The following BRAT1 variants were observed in gnomAD, a reference collection of about 807,000 sequenced individuals.
The protein encoded by BRAT1 is BRCA1 associated ATM activator 1.
In BRAT1, 74 loss-of-function variants were observed where a neutral mutation model predicts 70.6. The observed-to-expected ratio is 1.05, with a 90% CI of 0.87 to 1.27. The LOEUF is 1.27. Among genes scored for constraint, BRAT1 ranks in the 50% most tolerant of loss-of-function variants. BRAT1 has a pLI of 0.00. For missense variants in BRAT1, 1,203 were observed against 1,098.2 expected, an observed-to-expected ratio of 1.10 and a Z score of -1.35; for synonymous variants, 615 against 517.1, an observed-to-expected ratio of 1.19 and a Z score of -2.57.
At position 2,538,302 on chromosome 7, in the gene BRAT1, T is replaced by C. The variant is rs752058292; in HGVS notation, c.2233A>G (p.Thr745Ala). 1.2e-5 allele frequency: 20 copies of C among 1,612,672 alleles called. No individual in the cohort carries two copies. The highest frequency in any genetic ancestry group is 1.6e-5 in the Non-Finnish European group (19 of 1,179,838). ...SLREARGSPN[T>A]ASAEATLPRW... ...GGCAGGGTGGCCTCTGCGGAGGCAG[T>C]GTTGGGGCTGCCCCTGGCCTCCCGC... Residue 745 changes from threonine (T) to alanine (A), a missense_variant, in exon 14 of 14, where the codon ACT becomes GCT. Transcript: ENST00000340611.
At chr7:2,547,822 G>A (rs567171124) in intron 2 of BRAT1, among the ~76,000 whole-genome samples, 1 of 152,128 alleles carries the variant, frequency 6.6e-6, no homozygotes, top group Non-Finnish European at 1.5e-5. Context: ...GGTGGCTCAC[G>A]CCTGTAATCC....
At chr7:2,552,100 ATATATATTTTT>A (rs1428322454) in intron 2 of BRAT1, among the ~76,000 whole-genome samples, 14 of 15,120 alleles carry the variant, frequency 9.3e-4, no homozygotes, top group East Asian at 7.5e-3. Flanking sequence ...ATATATATAT[ATATATATTTTT>A]TTTTTTTTTT....
chr7:2,542,119 C>T lies in BRAT1; in HGVS notation c.1015+1G>A, dbSNP rs1779219365. 1.3e-6 allele frequency: 2 copies of T among 1,542,374 alleles called. No homozygotes were observed. Among genetic ancestry groups the T allele is most frequent in the Non-Finnish European group, 1.7e-6 (2 of 1,144,524 alleles). On this transcript the variant is annotated splice_donor_variant, in intron 7 of 13. Coordinates refer to ENST00000340611, the MANE Select transcript of BRAT1 (RefSeq NM_152743.4). LOFTEE classifies it high-confidence loss of function. ...CTCCCAGCCCTTTCTAAGCAGCACA[C>T]CTGGGGGTCCGGGGGCCTGAACCGT... is the stretch of plus-strand genomic sequence containing the variant.
chr7:2,554,252 G>A, intron 2 of BRAT1, 53 bp downstream of exon 2: 2 of 1,600,190 alleles, frequency 1.2e-6, no homozygotes, highest in Middle Eastern at 1.7e-4. Context: ...CCCTGTCCCA[G>A]CCTCTGCGTC....
In BRAT1 at chr7:2,541,960, G is replaced by A. The variant is rs34947605; in HGVS notation, c.1016-124C>T. Reference sequence around the variant, plus strand: ...CTAGGTGCAGAGCAGCAGCTCACCAGGGGAGATGGCCATGTCCCCGGTCCC... The same window carrying A: ...CTAGGTGCAGAGCAGCAGCTCACCAAGGGAGATGGCCATGTCCCCGGTCCC... On this transcript the variant is annotated intron_variant, in intron 7 of 13. Transcript: ENST00000340611. 185,586 of 1,233,650 alleles carry A rather than the reference G, an allele frequency of 0.15. 15,685 individuals are homozygous for A. The highest frequency in any genetic ancestry group is 0.18 in the Admixed American group (8,390 of 46,118). The allele number at this position is 1,233,650 out of a possible 1,614,324, so 76.4% of individuals were successfully genotyped here. A position where few individuals can be genotyped will look rare whatever the true frequency, so the allele number is the denominator to read the frequency against.
In BRAT1 at chr7:2,541,003, G is replaced by A. The variant is rs368441113; in HGVS notation, c.1371C>T (p.Leu457=). Residue 457 remains leucine, a synonymous_variant, in exon 10 of 14, where the codon CTC becomes CTT. Coordinates refer to ENST00000340611, the MANE Select transcript of BRAT1 (RefSeq NM_152743.4). ...CCGTGGGGCTGGAGCCGGGGCTCTC[G>A]AGGCACTCCAGGAGGACAGCAAGCG... The part of the protein sequence containing the change: ...TQALAVLLEC[L]ESPGSSPTVL... The A allele has an allele frequency of 2.3e-5, 35 of 1,555,220 alleles. No homozygotes were observed. The highest frequency in any genetic ancestry group is 1.1e-4 in the South Asian group (9 of 81,284).
At chr7:2,541,203 C>G (rs1779128052) in intron 9 of BRAT1, 95 bp downstream of exon 9, 3 of 1,394,702 alleles carry the variant, frequency 2.2e-6, no homozygotes, top group Non-Finnish European at 2.9e-6. Context: ...AGAGAAGAAA[C>G]AGAGAGGGAC....
Position 2,543,499 on chromosome 7 carries a change from A to T in BRAT1, c.803+91T>A. 2 of 1,484,036 alleles carry T rather than the reference A, an allele frequency of 1.3e-6. No individual in the cohort carries two copies. The highest frequency in any genetic ancestry group is 1.8e-6 in the Non-Finnish European group (2 of 1,120,372). The allele number at this position is 1,484,036 out of a possible 1,614,324, so 91.9% of individuals were successfully genotyped here. On this transcript the variant is annotated intron_variant, in intron 5 of 13. Transcript: ENST00000340611. This position sits in a 1 kb window ranked among gnomAD's most constrained non-coding sequence, Gnocchi z 5.5. Reference sequence around the variant, plus strand: ...TTCACTGCAGGCCATGTCCTCAGAGAGTCTCCGGCTGCCAGTGGGACATCC... The same window carrying T: ...TTCACTGCAGGCCATGTCCTCAGAGTGTCTCCGGCTGCCAGTGGGACATCC...
Position 2,538,316 on chromosome 7 carries a change from C to T in BRAT1, c.2219G>A (p.Arg740Lys). 6.2e-7 allele frequency: 1 copy of T among 1,613,012 alleles called. No homozygotes were observed. The highest frequency in any genetic ancestry group is 8.5e-7 in the Non-Finnish European group (1 of 1,179,894). ...TGCGGAGGCAGTGTTGGGGCTGCCC[C>T]TGGCCTCCCGCAGGCTGCTGTAGGA... ...IASYSSLREA[R>K]GSPNTASAEA... Residue 740 changes from arginine to lysine, a missense_variant, in exon 14 of 14, where the codon AGG (arginine) becomes AAG (lysine). Arg to Lys is a conservative substitution (Grantham distance 26, BLOSUM62 2). Transcript: ENST00000340611.
chr7:2,539,813 C>T lies in BRAT1; in HGVS notation c.1471G>A (p.Gly491Ser), dbSNP rs773303692. Residue 491 changes from glycine (G) to serine (S), a missense_variant, in exon 11 of 14, where the codon GGC (glycine) becomes AGC (serine). Physicochemically the swap from Gly to Ser is moderately conservative, Grantham distance 56. Coordinates refer to ENST00000340611, the MANE Select transcript of BRAT1 (RefSeq NM_152743.4). Reference protein sequence around the residue: ...SPKTPGCSDLGPLIPQFLREL... With the variant: ...SPKTPGCSDLSPLIPQFLREL... Reference sequence around the variant, plus strand: ...CTGAGGAACTGCGGGATGAGGGGGCCGAGATCAGAGCAGCCGGGGGTCTTG... The same window carrying T: ...CTGAGGAACTGCGGGATGAGGGGGCTGAGATCAGAGCAGCCGGGGGTCTTG... The T allele has an allele frequency of 5.6e-5, 90 of 1,611,750 alleles. No homozygotes were observed. Among genetic ancestry groups the T allele is most frequent in the Admixed American group, 1.0e-4 (6 of 59,706 alleles).
intron 2 of BRAT1, among the ~76,000 whole-genome samples, chr7:2,552,141 A>G (rs1166463702): frequency 1.4e-5 from 1 of 70,796 alleles, no homozygotes; most frequent in African/African-American, 5.2e-5. Flanking sequence ...TTTTGAGACA[A>G]GAGTCTCACT....
intron 2 of BRAT1, among the ~76,000 whole-genome samples, chr7:2,548,946 A>T (rs1321772129): frequency 6.6e-6 from 1 of 152,226 alleles, no homozygotes; most frequent in Non-Finnish European, 1.5e-5. Context: ...GCCTGGTGAC[A>T]GGGCAAGACT....
At position 2,537,995 on chromosome 7, in the gene BRAT1, C is replaced by A; in HGVS notation, c.*74G>T. 6.9e-7 allele frequency: 1 copy of A among 1,455,814 alleles called. No homozygotes were observed. Among genetic ancestry groups the A allele is most frequent in the African/African-American group, 1.4e-5 (1 of 70,496 alleles). The allele number at this position is 1,455,814 out of a possible 1,614,324, so 90.2% of individuals were successfully genotyped here. ...ACCGGGCTGGGCTGGAGCCCTGGGG[C>A]TGGCAGTGTCCCACAGAAGGACATG... is the stretch of plus-strand genomic sequence containing the variant. On this transcript the variant is annotated 3_prime_UTR_variant, in exon 14 of 14. Transcript: ENST00000340611.
intron 2 of BRAT1, among the ~76,000 whole-genome samples, chr7:2,552,625 G>A (rs1166489853): frequency 6.6e-6 from 1 of 151,668 alleles, no homozygotes; most frequent in Non-Finnish European, 1.5e-5. Flanking sequence ...ACCAAAAAAA[G>A]GAAGTAAAGA....
intron 1 of BRAT1, 52 bp from the exon 2 acceptor site, chr7:2,554,499 C>G: frequency 6.5e-7 from 1 of 1,546,548 alleles, no homozygotes; most frequent in Non-Finnish European, 8.7e-7. Context: ...AGACCCAGCT[C>G]GCTCTAGTCA....
Position 2,539,256 on chromosome 7 carries a change from C to T in BRAT1, c.1693G>A (p.Ala565Thr), listed in dbSNP as rs200932983. 1.2e-4 allele frequency: 187 copies of T among 1,611,514 alleles called. No homozygotes were observed. Among genetic ancestry groups the T allele is most frequent in the Non-Finnish European group, 2.2e-5 (26 of 1,179,946 alleles). Residue 565 changes from alanine (A) to threonine (T), a missense_variant, in exon 13 of 14, where the codon GCA becomes ACA. Physicochemically the swap from Ala to Thr is moderately conservative, Grantham distance 58. Transcript: ENST00000340611. ...GACAGCTGCCCCATGGCGGTCACTGCACTCGCTCGGACATAACTCTCAGGG... is the reference window on the plus strand; with the variant it reads ...GACAGCTGCCCCATGGCGGTCACTGTACTCGCTCGGACATAACTCTCAGGG... ...QDPESYVRAS[A>T]VTAMGQLSSQ...
In BRAT1 at chr7:2,545,496, C is replaced by CTTCTT. The variant is rs1554296640; in HGVS notation, c.283-441_283-440insAAGAA. Among the ~76,000 whole-genome samples the CTTCTT allele has an allele frequency of 5.4e-4, 70 of 130,008 alleles. No homozygotes were observed. The East Asian group carries it at 0.015, about 28-fold the overall frequency. 85.3% of individuals were successfully genotyped at this position (130,008 alleles called of 152,430 possible). A position where few individuals can be genotyped will look rare whatever the true frequency, so the allele number is the denominator to read the frequency against. On this transcript the variant is annotated intron_variant, in intron 3 of 13. Coordinates refer to ENST00000340611, the MANE Select transcript of BRAT1 (RefSeq NM_152743.4). The stretch of plus-strand genomic sequence containing the variant: ...TACTTCTGGAGGACACTTTCTTCTT[C>CTTCTT]TTTTTTTTTTTTTTGAGACAGTCCC...
intron 10 of BRAT1, 57 bp from the exon 11 acceptor site, chr7:2,539,945 T>C: frequency 2.4e-6 from 3 of 1,270,994 alleles, no homozygotes; most frequent in Non-Finnish European, 3.2e-6. Context: ...AGGCTGTCTG[T>C]CTGTCCCCCT....
Position 2,538,856 on chromosome 7 carries a change from C to T in BRAT1, c.1771-92G>A, listed in dbSNP as rs866347678. On this transcript the variant is annotated intron_variant, in intron 13 of 13. Coordinates refer to ENST00000340611, the MANE Select transcript of BRAT1 (RefSeq NM_152743.4). The stretch of plus-strand genomic sequence containing the variant: ...TCCGGTACATGATGGGGGCTGGCCC[C>T]GGACATGCAGTCTAGGGCCACAGCC... 9 of 1,541,948 alleles carry T rather than the reference C, an allele frequency of 5.8e-6. No individual in the cohort carries two copies. In the African/African-American group the frequency reaches 8.2e-5, roughly 14 times the overall value.
Sources: gnomAD v4.1 joint callset for allele counts (sites outside exome capture counted in the v4.1 genomes callset) on GRCh38, gnomAD v4.1.1 for gene constraint, Gnocchi (gnomAD v3.1) non-coding constraint, MANE v1.5 for transcripts, NCBI Gene and HGNC (gene_info 2026-07-23, HGNC 2026-07-21) for gene names.